RIN3: variants seen among roughly 807,000 people sequenced by gnomAD.
RIN3 encodes the protein RAB5 interacting protein 3.
A neutral mutation model predicts 76.3 loss-of-function variants in RIN3; 54 were observed. The observed-to-expected ratio is 0.71, with a 90% confidence interval of 0.57 to 0.89. The LOEUF (loss-of-function observed/expected upper bound fraction) is 0.89. Among genes scored for constraint, RIN3 ranks in the 40% least tolerant of loss-of-function variants. RIN3 has a pLI of 0.00. For synonymous variants in RIN3, 576 were observed against 564.0 expected (o/e 1.02, Z -0.30); for missense variants, 1,256 against 1,322.1 (o/e 0.95, Z 0.78).
intron 1 of RIN3, among the ~76,000 whole-genome samples, chr14:92,536,373 G>A (rs1896999694): frequency 6.6e-6 from 1 of 152,158 alleles, no homozygotes; most frequent in African/African-American, 2.4e-5. Flanking sequence ...TGTCTGTGAT[G>A]TGTAATGTTT....
intron 4 of RIN3, among the ~76,000 whole-genome samples, chr14:92,626,336 G>A (rs530823864): frequency 1.3e-5 from 2 of 152,180 alleles, no homozygotes; most frequent in Non-Finnish European, 2.9e-5. Context: ...GGATACCCAG[G>A]ATGGACATTA....
chr14:92,582,575 C>T (rs1884594992), intron 3 of RIN3, among the ~76,000 whole-genome samples: 2 of 151,936 alleles, frequency 1.3e-5, no homozygotes, highest in African/African-American at 4.8e-5. Flanking sequence ...GCCTCAGCCT[C>T]CTGAGTAGCT....
At chr14:92,601,587 T>TC (rs1885346583) in intron 3 of RIN3, among the ~76,000 whole-genome samples, 2 of 151,988 alleles carry the variant, frequency 1.3e-5, no homozygotes, top group Admixed American at 6.6e-5. Context: ...CCACCTCCCT[T>TC]CTCCCCGTCC....
chr14:92,571,888 T>C (rs1898070430), intron 2 of RIN3, among the ~76,000 whole-genome samples: 1 of 152,214 alleles, frequency 6.6e-6, no homozygotes, highest in Non-Finnish European at 1.5e-5. Flanking sequence ...CCTCTCCTCC[T>C]ATTCGCAGGG....
At chr14:92,632,410 C>G (rs1389873620) in intron 4 of RIN3, among the ~76,000 whole-genome samples, 1 of 152,186 alleles carries the variant, frequency 6.6e-6, no homozygotes, top group Admixed American at 6.5e-5. Flanking sequence ...AAGGTATTAC[C>G]GCTTCAGTGA....
At position 92,554,423 on chromosome 14, in the gene RIN3, G is replaced by A. The variant is rs193186502; in HGVS notation, c.45-1328G>A. Among the ~76,000 whole-genome samples, 195 of 152,180 alleles carry A rather than the reference G, an allele frequency of 1.3e-3. 3 individuals are homozygous for A. The highest frequency in any genetic ancestry group is 4.6e-3 in the African/African-American group (190 of 41,532). On this transcript the variant is annotated intron_variant, in intron 1 of 9. Transcript: ENST00000216487. ...GGTCTGTGATCCTCCTTCCCCCACC[G>A]TGCTGTGTTGACTCATCCTCATTCT...
chr14:92,600,444 C>T (rs1250279449), intron 3 of RIN3, among the ~76,000 whole-genome samples: 2 of 152,194 alleles, frequency 1.3e-5, no homozygotes, highest in African/African-American at 4.8e-5. Flanking sequence ...TGGCTATTTA[C>T]AAGCATGAAT....
At chr14:92,626,134 G>A (rs189288037) in intron 4 of RIN3, among the ~76,000 whole-genome samples, 4 of 152,218 alleles carry the variant, frequency 2.6e-5, no homozygotes, top group African/African-American at 4.8e-5. Flanking sequence ...ACTGACTCCC[G>A]AATTCCTTTA....
rs922574192 is a variant in RIN3 at position 92,548,235 on chromosome 14, T to C, written c.45-7516T>C. Among the ~76,000 whole-genome samples the C allele has an allele frequency of 5.3e-5, 8 of 152,208 alleles. No homozygotes were observed. The East Asian group carries it at 1.3e-3, about 26-fold the overall frequency. The stretch of plus-strand genomic sequence containing the variant: ...AGGATACGTAAACATGAAATTTTTT[T>C]TTTAAACTTTCAAGAGCTGGAAGAG... On this transcript the variant is annotated intron_variant, in intron 1 of 9. Transcript: ENST00000216487.
Position 92,659,399 on chromosome 14 carries a change from T to G in RIN3, c.2265T>G (p.Pro755=), listed in dbSNP as rs746955896. ...CCAGCATGCACAAGGCCTACTCACC[T>G]GAGAAGAAGATCTCCATCCTGCTCA... The part of the protein sequence containing the change: ...KFTSMHKAYS[P]EKKISILLKT... The change falls in exon 7 of 10, where the codon CCT becomes CCG. Residue 755 remains proline (P), a synonymous_variant. Coordinates refer to ENST00000216487, the MANE Select transcript of RIN3 (RefSeq NM_024832.5). 6.2e-7 allele frequency: 1 copy of G among 1,613,620 alleles called. No homozygotes were observed. Among genetic ancestry groups the G allele is most frequent in the South Asian group, 1.1e-5 (1 of 91,028 alleles).
At position 92,688,217 on chromosome 14, in the gene RIN3, C is replaced by T. The variant is rs1230390171; in HGVS notation, c.2923C>T (p.Pro975Ser). The T allele has an allele frequency of 5.0e-6, 8 of 1,602,152 alleles. No individual in the cohort carries two copies. The highest frequency in any genetic ancestry group is 6.8e-6 in the Non-Finnish European group (8 of 1,176,256). ...GGGGGGGGSP[P>S]CLVVREPNFL ...TGGCGGCGGCGGCGGCGGGAGCCCG[C>T]CCTGCCTGGTGGTGCGGGAGCCCAA... The change falls in exon 10 of 10, where the codon CCC becomes TCC. Residue 975 changes from proline to serine, a missense_variant. By Grantham distance (74) the Pro-to-Ser change is moderately conservative (BLOSUM62 -1). Coordinates refer to ENST00000216487, the MANE Select transcript of RIN3 (RefSeq NM_024832.5).
intron 4 of RIN3, among the ~76,000 whole-genome samples, chr14:92,640,719 A>G (rs72478851): frequency 0.039 from 422 of 10,704 alleles, 4 homozygotes; most frequent in Middle Eastern, 0.12. Context: ...TGCTCGTCAG[A>G]GGCTGCCTGA....
At chr14:92,556,038 A>G (rs1234448958) in intron 2 of RIN3, 83 bp downstream of exon 2, 2 of 1,151,886 alleles carry the variant, frequency 1.7e-6, no homozygotes, top group Non-Finnish European at 2.5e-6. Flanking sequence ...TGGCTCCCAC[A>G]GGGAAGCAGC....
At chr14:92,662,721 T>A (rs982050193) in intron 7 of RIN3, among the ~76,000 whole-genome samples, 6 of 152,206 alleles carry the variant, frequency 3.9e-5, no homozygotes, top group Admixed American at 6.5e-5. Flanking sequence ...GGAGACAGCT[T>A]TGCGCTGGAA....
At chr14:92,679,853 C>G (rs893594765) in intron 8 of RIN3, among the ~76,000 whole-genome samples, 9 of 152,148 alleles carry the variant, frequency 5.9e-5, no homozygotes, top group Non-Finnish European at 1.2e-4. Flanking sequence ...ATTTGGGGCC[C>G]AGTTCTGCCT....
intron 4 of RIN3, among the ~76,000 whole-genome samples, chr14:92,630,474 A>C (rs577270939): frequency 6.6e-6 from 1 of 152,302 alleles, no homozygotes; most frequent in African/African-American, 2.4e-5. Flanking sequence ...CCTGAGCAAC[A>C]AAGCAGGACC....
At chr14:92,561,044 A>AAAAATATATATATATATATATATATATAT (rs1555383856) in intron 2 of RIN3, among the ~76,000 whole-genome samples, 11 of 24,378 alleles carry the variant, frequency 4.5e-4, no homozygotes, top group Non-Finnish European at 8.7e-4. Flanking sequence ...AAAAAAAAAA[A>AAAAATATATATATATATATATATATATAT]ATATATATAT....
intron 4 of RIN3, among the ~76,000 whole-genome samples, chr14:92,622,614 T>G (rs1203516983): frequency 6.6e-6 from 1 of 152,178 alleles, no homozygotes; most frequent in African/African-American, 2.4e-5. Flanking sequence ...CAGACCCTGT[T>G]CCTGTGTCTT....
intron 1 of RIN3, among the ~76,000 whole-genome samples, chr14:92,523,658 C>CG (rs1238064649): frequency 8.1e-5 from 12 of 147,960 alleles, no homozygotes; most frequent in African/African-American, 3.0e-4. Context: ...AGATTGCAAA[C>CG]ATTTTTTTTT....
Sources: allele counts gnomAD v4.1 joint callset (sites outside exome capture counted in the v4.1 genomes callset), GRCh38; gene constraint gnomAD v4.1.1; transcripts MANE v1.5; gene names NCBI Gene and HGNC (gene_info 2026-07-23, HGNC 2026-07-21).